TMEM196: variants seen among roughly 807,000 people sequenced by gnomAD.
TMEM196 encodes the protein transmembrane protein 196.
A neutral mutation model predicts 20.0 loss-of-function variants in TMEM196; 17 were observed. The observed-to-expected ratio is 0.85, with a 90% CI of 0.58 to 1.27. The LOEUF (loss-of-function observed/expected upper bound fraction) is 1.27. Ranked by LOEUF, TMEM196 falls within the 50% of genes most tolerant of loss-of-function variation. TMEM196 has a pLI of 0.00. For missense variants in TMEM196, 267 were observed against 223.0 expected, an observed-to-expected ratio of 1.20 and a Z score of -1.26; for synonymous variants, 113 against 88.9, an observed-to-expected ratio of 1.27 and a Z score of -1.52.
chr7:19,766,191 G>A (rs1007692037), intron 1 of TMEM196, among the ~76,000 whole-genome samples: 4 of 152,196 alleles, frequency 2.6e-5, no homozygotes, highest in Non-Finnish European at 5.9e-5. Flanking sequence ...TGAGTGAGAT[G>A]TATAAATCTA....
At chr7:19,742,756 C>A (rs1189393058) in intron 1 of TMEM196, among the ~76,000 whole-genome samples, 1 of 152,078 alleles carries the variant, frequency 6.6e-6, no homozygotes, top group East Asian at 1.9e-4. Flanking sequence ...ATAATGACTT[C>A]CATAGACCAT....
chr7:19,766,614 A>G (rs1785639072), intron 1 of TMEM196, among the ~76,000 whole-genome samples: 1 of 151,536 alleles, frequency 6.6e-6, no homozygotes, highest in Admixed American at 6.6e-5. Context: ...TGCAGTAGTG[A>G]AATGAAATTT....
intron 1 of TMEM196, among the ~76,000 whole-genome samples, chr7:19,753,134 A>C (rs567556651): frequency 1.6e-4 from 24 of 152,300 alleles, no homozygotes; most frequent in African/African-American, 5.1e-4. Context: ...TCCAGGGTCC[A>C]TCTGAAATTC....
chr7:19,760,115 C>G (rs981988073), intron 1 of TMEM196, among the ~76,000 whole-genome samples: 5 of 152,096 alleles, frequency 3.3e-5, no homozygotes, highest in African/African-American at 7.2e-5. Context: ...ACCTCCTCCC[C>G]CTCAGGTCAT....
intron 1 of TMEM196, among the ~76,000 whole-genome samples, chr7:19,759,711 T>G (rs1412056299): frequency 6.6e-6 from 1 of 151,860 alleles, no homozygotes; most frequent in African/African-American, 2.4e-5. Context: ...CTCAAAAGAC[T>G]AAACAGAAAC....
chr7:19,746,629 A>G (rs1275324138), intron 1 of TMEM196, among the ~76,000 whole-genome samples: 4 of 152,246 alleles, frequency 2.6e-5, no homozygotes, highest in Admixed American at 2.6e-4. Flanking sequence ...ATTCCAGATA[A>G]CAGCTTTCTA....
At chr7:19,723,297 A>G (rs1783874212) in intron 4 of TMEM196, among the ~76,000 whole-genome samples, 1 of 152,058 alleles carries the variant, frequency 6.6e-6, no homozygotes, top group South Asian at 2.1e-4. Context: ...AACAAAATTT[A>G]CTTTTCCTGT....
rs35891413 is a variant in TMEM196 at position 19,732,622 on chromosome 7, GTT to G, written c.148-3186_148-3185del. On this transcript the variant is annotated intron_variant, in intron 1 of 4. Coordinates refer to ENST00000405844, the MANE Select transcript of TMEM196 (RefSeq NM_001363562.2). ...AAACGGAATGGAAGTGATTTTTAGA[GTT>G]TTTTTTTTTTGTGTGTGTTAGTTCA... Among the ~76,000 whole-genome samples, 1,306 of 133,120 alleles carry G rather than the reference GTT, an allele frequency of 9.8e-3. 11 individuals are homozygous for G. Among genetic ancestry groups the G allele is most frequent in the African/African-American group, 0.033 (1,107 of 33,556 alleles). 87.3% of individuals were successfully genotyped at this position (133,120 alleles called of 152,430 possible). A position where few individuals can be genotyped will look rare whatever the true frequency, so the allele number is the denominator to read the frequency against.
chr7:19,741,216 T>C (rs897742169), intron 1 of TMEM196, among the ~76,000 whole-genome samples: 8 of 152,174 alleles, frequency 5.3e-5, no homozygotes, highest in African/African-American at 1.9e-4. Context: ...TGGAATTCAA[T>C]GTGTTATTTC....
At chr7:19,765,804 A>G (rs1286963154) in intron 1 of TMEM196, among the ~76,000 whole-genome samples, 6 of 152,188 alleles carry the variant, frequency 3.9e-5, no homozygotes, top group Non-Finnish European at 8.8e-5. Context: ...GTACATTTTC[A>G]TAGTTGCTAA....
chr7:19,728,213 C>A, intron 2 of TMEM196, among the ~76,000 whole-genome samples: 1 of 150,594 alleles, frequency 6.6e-6, no homozygotes, highest in Non-Finnish European at 1.5e-5. Context: ...TCTCTTTTTT[C>A]TCTTTCTCTT....
In TMEM196 at chr7:19,737,986, C is replaced by T. The variant is rs890238434; in HGVS notation, c.148-8548G>A. Among the ~76,000 whole-genome samples, 5 of 151,868 alleles carry T rather than the reference C, an allele frequency of 3.3e-5. No individual in the cohort carries two copies. In the South Asian group the frequency reaches 1.0e-3, roughly 32 times the overall value. On this transcript the variant is annotated intron_variant, in intron 1 of 4. Coordinates refer to ENST00000405844, the MANE Select transcript of TMEM196 (RefSeq NM_001363562.2). ...GAATAAAATGTAGAATGTAACCATA[C>T]TATATAACTATAATAAAATGTATAA...
intron 3 of TMEM196, 41 bp from the exon 4 acceptor site, chr7:19,724,394 A>G: frequency 3.3e-6 from 5 of 1,526,460 alleles, no homozygotes; most frequent in Non-Finnish European, 4.4e-6. Flanking sequence ...TATTGCACAA[A>G]TATATACAGA....
chr7:19,733,359 A>G (rs1164864486), intron 1 of TMEM196, among the ~76,000 whole-genome samples: 1 of 152,222 alleles, frequency 6.6e-6, no homozygotes, highest in Non-Finnish European at 1.5e-5. Flanking sequence ...TTTAGAGCCC[A>G]TCAGAGAGCT....
In TMEM196 at chr7:19,725,531, G is replaced by A. The variant is rs779680545; in HGVS notation, c.442C>T (p.His148Tyr). The change falls in exon 3 of 5, where the codon CAT becomes TAT. Residue 148 changes from histidine (H) to tyrosine (Y), a missense_variant. Coordinates refer to ENST00000405844, the MANE Select transcript of TMEM196 (RefSeq NM_001363562.2). ...AAACTCACTTTCTCAGCCATTTCAT[G>A]AGAGTGATGCAGGGAATGCTCCCTT... ...SEREHSLHHS[H>Y]EMAEKRLRAI... 6.2e-7 allele frequency: 1 copy of A among 1,609,402 alleles called. No homozygotes were observed. Among genetic ancestry groups the A allele is most frequent in the Admixed American group, 1.7e-5 (1 of 59,940 alleles).
intron 1 of TMEM196, 38 bp downstream of exon 1, chr7:19,772,512 A>G (rs2128042497): frequency 6.7e-7 from 1 of 1,503,384 alleles, no homozygotes; most frequent in African/African-American, 1.4e-5. Flanking sequence ...GTAAAGAGAG[A>G]GTGAAATGGC....
At chr7:19,744,848 T>C (rs1383135964) in intron 1 of TMEM196, among the ~76,000 whole-genome samples, 5 of 152,222 alleles carry the variant, frequency 3.3e-5, no homozygotes, top group Admixed American at 6.5e-5. Context: ...AGAACATTCT[T>C]TAAGTGTTTT....
chr7:19,770,907 C>G (rs1202126030), intron 1 of TMEM196, among the ~76,000 whole-genome samples: 1 of 151,894 alleles, frequency 6.6e-6, no homozygotes, highest in Non-Finnish European at 1.5e-5. Flanking sequence ...TTGATATTAT[C>G]TAGGGAAAAC....
rs1357783713 is a variant in TMEM196 at position 19,719,640 on chromosome 7, T to C, written c.*2488A>G. 1 of 152,120 alleles carries C rather than the reference T, an allele frequency of 6.6e-6. No individual in the cohort carries two copies. The highest frequency in any genetic ancestry group is 1.5e-5 in the Non-Finnish European group (1 of 67,972). 9.4% of individuals were successfully genotyped at this position (152,120 alleles called of 1,614,324 possible). A position where few individuals can be genotyped will look rare whatever the true frequency, so the allele number is the denominator to read the frequency against. On this transcript the variant is annotated 3_prime_UTR_variant, in exon 5 of 5. Coordinates refer to ENST00000405844, the MANE Select transcript of TMEM196 (RefSeq NM_001363562.2). The stretch of plus-strand genomic sequence containing the variant: ...TAGTCACTTAAAACATTCCAGCATG[T>C]GGTTCAATGTATTGTCCAAATTAAA...
Sources: allele counts gnomAD v4.1 joint callset (sites outside exome capture counted in the v4.1 genomes callset), GRCh38; gene constraint gnomAD v4.1.1; transcripts MANE v1.5; gene names NCBI Gene and HGNC (gene_info 2026-07-23, HGNC 2026-07-21).